Variants in HMGA2 observed in about 807,000 individuals in gnomAD.
The protein encoded by HMGA2 is high mobility group protein HMGI-C.
HMGA2 carries 8 observed loss-of-function variants against 19.1 expected under a neutral mutation model. The ratio of observed to expected loss-of-function variants is 0.42; its 90% CI spans 0.25 to 0.76. The LOEUF (loss-of-function observed/expected upper bound fraction) is 0.76, where lower values mean the gene tolerates loss of function less well. Among genes scored for constraint, HMGA2 ranks in the 30% least tolerant of loss-of-function variants. The probability of loss-of-function intolerance (pLI) is 0.28; values close to 1 mark genes in which losing one functional copy is unlikely to be tolerated. For missense variants in HMGA2, 109 were observed against 136.3 expected, an observed-to-expected ratio of 0.80 and a Z score of 1.00; for synonymous variants, 60 against 48.8, an observed-to-expected ratio of 1.23 and a Z score of -0.96.
chr12:65,825,181 C>G lies in HMGA2; in HGVS notation c.-90C>G. ...GCTCGCCCCGCCGGCGTCCCCAGCCCTATCACCTCATCTCCCGAAAGGTGC... is the reference window on the plus strand; with the variant it reads ...GCTCGCCCCGCCGGCGTCCCCAGCCGTATCACCTCATCTCCCGAAAGGTGC... On this transcript the variant is annotated 5_prime_UTR_variant, in exon 1 of 5. Transcript: ENST00000403681. The surrounding 1 kb of genome is among the most constrained non-coding windows in gnomAD (Gnocchi z 4.4). The G allele has an allele frequency of 8.3e-7, 1 of 1,205,012 alleles. No individual in the cohort carries two copies. Among genetic ancestry groups the G allele is most frequent in the Non-Finnish European group, 1.2e-6 (1 of 865,472 alleles). The allele number at this position is 1,205,012 out of a possible 1,614,324, so 74.6% of individuals were successfully genotyped here.
At chr12:65,851,709 A>G (rs543470415) in intron 3 of HMGA2, 22 of 405,258 alleles carry the variant, frequency 5.4e-5, no homozygotes, top group Non-Finnish European at 8.8e-5. Flanking sequence ...CTGTGAAAAT[A>G]TGTTGTCAGC....
At chr12:65,892,805 G>C (rs1873965744) in intron 3 of HMGA2, among the ~76,000 whole-genome samples, 1 of 152,064 alleles carries the variant, frequency 6.6e-6, no homozygotes, top group South Asian at 2.1e-4. Flanking sequence ...GTTGAGAAAA[G>C]TCCTCAGTTT....
rs60786450 is a variant in HMGA2 at position 65,824,713 on chromosome 12, T to TTCTCTCTCTCTCTCTC, written c.-517_-502dup. 37 of 145,104 alleles carry TTCTCTCTCTCTCTCTC rather than the reference T, an allele frequency of 2.5e-4. No individual in the cohort carries two copies. Among genetic ancestry groups the TTCTCTCTCTCTCTCTC allele is most frequent in the East Asian group, 4.8e-4 (6 of 12,614 alleles). 9.0% of individuals were successfully genotyped at this position (145,104 alleles called of 1,614,324 possible). A position where few individuals can be genotyped will look rare whatever the true frequency, so the allele number is the denominator to read the frequency against. On this transcript the variant is annotated 5_prime_UTR_variant, in exon 1 of 5. Transcript: ENST00000403681. ...CCAAGGCACTTTCAATCTCAATCTCTTCTCTCTCTCTCTCTCTCTCTCTCT... is the reference window on the plus strand; with the variant it reads ...CCAAGGCACTTTCAATCTCAATCTCTTCTCTCTCTCTCTCTCTCTCTCTCTCTCTCTCTCTCTCTCT...
chr12:65,863,806 G>A (rs1161645987), intron 3 of HMGA2, among the ~76,000 whole-genome samples: 1 of 152,154 alleles, frequency 6.6e-6, no homozygotes, highest in Non-Finnish European at 1.5e-5. Context: ...CAAACCTTTT[G>A]AAGGGTGTGA....
intron 3 of HMGA2, among the ~76,000 whole-genome samples, chr12:65,905,208 A>C (rs1364325571): frequency 2.0e-5 from 3 of 152,088 alleles, no homozygotes; most frequent in Non-Finnish European, 4.4e-5. Context: ...ACACACACAT[A>C]ATAGAAAATA....
chr12:65,827,164 A>G (rs1870249355), intron 1 of HMGA2, among the ~76,000 whole-genome samples: 1 of 152,260 alleles, frequency 6.6e-6, no homozygotes, highest in Admixed American at 6.5e-5. Flanking sequence ...TGCTAAACCA[A>G]GTGATTGCTT....
At chr12:65,861,846 CT>C (rs1346372420) in intron 3 of HMGA2, among the ~76,000 whole-genome samples, 263 of 134,036 alleles carry the variant, frequency 2.0e-3, no homozygotes, top group Non-Finnish European at 2.5e-3. Flanking sequence ...CAACATGTTT[CT>C]TTTTTTTTTT....
At chr12:65,873,788 T>C (rs2121052741) in intron 3 of HMGA2, 1 of 152,350 alleles carries the variant, frequency 6.6e-6, no homozygotes, top group Middle Eastern at 3.4e-3. Flanking sequence ...TTGCTTGTGG[T>C]ATTTGCCCGT....
chr12:65,876,760 C>T (rs1873057147), intron 3 of HMGA2: 1 of 152,210 alleles, frequency 6.6e-6, no homozygotes, highest in Admixed American at 6.5e-5. Flanking sequence ...GCTTTCCAGA[C>T]AGCCTCCGGA....
At chr12:65,886,227 G>C (rs1873648913) in intron 3 of HMGA2, among the ~76,000 whole-genome samples, 2 of 152,106 alleles carry the variant, frequency 1.3e-5, no homozygotes, top group Non-Finnish European at 2.9e-5. Context: ...AGATTTAAGA[G>C]GTTAAGAGAC....
intron 3 of HMGA2, chr12:65,842,685 T>G: frequency 1.3e-6 from 2 of 1,526,788 alleles, no homozygotes; most frequent in Non-Finnish European, 8.8e-7. Flanking sequence ...GTATTTCTGC[T>G]GTTTGCCTCA....
intron 3 of HMGA2, chr12:65,842,854 G>C (rs1168803272): frequency 1.5e-6 from 2 of 1,316,340 alleles, no homozygotes; most frequent in East Asian, 5.4e-5. Context: ...AAAGTATTTG[G>C]AGAAAGTTTT....
chr12:65,846,968 T>C (rs548933440), intron 3 of HMGA2, among the ~76,000 whole-genome samples: 28 of 152,356 alleles, frequency 1.8e-4, no homozygotes, highest in African/African-American at 6.7e-4. Context: ...CTTTAGAATT[T>C]AAGTCCTTCC....
intron 3 of HMGA2, among the ~76,000 whole-genome samples, chr12:65,913,321 C>T (rs577215578): frequency 5.9e-4 from 90 of 152,258 alleles, no homozygotes; most frequent in African/African-American, 1.9e-3. Flanking sequence ...CGCTTTTCTC[C>T]GGGGTCAGTC....
At chr12:65,881,414 A>C in intron 3 of HMGA2, 1 of 359,596 alleles carries the variant, frequency 2.8e-6, no homozygotes, top group Non-Finnish European at 5.1e-6. Flanking sequence ...CCTTGGGTTA[A>C]TCACGTGCTT....
intron 3 of HMGA2, among the ~76,000 whole-genome samples, chr12:65,892,337 T>G (rs2121142067): frequency 6.6e-6 from 1 of 152,306 alleles, no homozygotes; most frequent in Non-Finnish European, 1.5e-5. Context: ...AATATTGAAC[T>G]TGGCCTGCCA....
chr12:65,829,811 G>C (rs1870397404), intron 2 of HMGA2, among the ~76,000 whole-genome samples: 2 of 151,896 alleles, frequency 1.3e-5, no homozygotes, highest in South Asian at 4.2e-4. Flanking sequence ...TTGAGAAAAG[G>C]GAAGCTGAAG....
chr12:65,912,597 T>C (rs1321755103), intron 3 of HMGA2, among the ~76,000 whole-genome samples: 1 of 152,206 alleles, frequency 6.6e-6, no homozygotes, highest in African/African-American at 2.4e-5. Flanking sequence ...ATTTAGCAGT[T>C]ATAAGTGATT....
At chr12:65,885,158 A>G (rs1873601246) in intron 3 of HMGA2, among the ~76,000 whole-genome samples, 1 of 152,156 alleles carries the variant, frequency 6.6e-6, no homozygotes, top group Non-Finnish European at 1.5e-5. Context: ...GAAGCTTTTG[A>G]TATTAAGCTG....
Sources: gnomAD v4.1 joint callset for allele counts (sites outside exome capture counted in the v4.1 genomes callset) on GRCh38, gnomAD v4.1.1 for gene constraint, Gnocchi (gnomAD v3.1) non-coding constraint, MANE v1.5 for transcripts, NCBI Gene and HGNC (gene_info 2026-07-23, HGNC 2026-07-21) for gene names.